VEPH1: variants seen among roughly 807,000 people sequenced by gnomAD.
The protein encoded by VEPH1 is ventricular zone expressed PH domain containing 1, also known as ventricular zone-expressed PH domain-containing protein homolog 1.
In VEPH1, 80 loss-of-function variants were observed where a neutral mutation model predicts 85.2. The ratio of observed to expected loss-of-function variants is 0.94; its 90% CI spans 0.78 to 1.13. The LOEUF is 1.13. Among genes scored for constraint, VEPH1 ranks in the 50% most tolerant of loss-of-function variants. The pLI is 0.00. For missense variants in VEPH1, 955 were observed against 980.5 expected, an observed-to-expected ratio of 0.97 and a Z score of 0.35; for synonymous variants, 297 against 348.0, an observed-to-expected ratio of 0.85 and a Z score of 1.63.
At chr3:157,296,381 G>A (rs1035353878) in intron 11 of VEPH1, among the ~76,000 whole-genome samples, 1 of 152,188 alleles carries the variant, frequency 6.6e-6, no homozygotes, top group Non-Finnish European at 1.5e-5. Flanking sequence ...ACTAGCAAGG[G>A]TCAGACTCTG....
intron 2 of VEPH1, among the ~76,000 whole-genome samples, chr3:157,472,564 T>C (rs1737065221): frequency 6.6e-6 from 1 of 152,166 alleles, no homozygotes; most frequent in Non-Finnish European, 1.5e-5. Context: ...GCAAGTTTGT[T>C]ATTTAGGTAA....
intron 12 of VEPH1, chr3:157,286,339 T>C (rs1716764006): frequency 1.8e-6 from 1 of 561,736 alleles, no homozygotes; most frequent in Non-Finnish European, 3.2e-6. Context: ...TAACCACATA[T>C]AGGTAAGGGA....
intron 9 of VEPH1, among the ~76,000 whole-genome samples, chr3:157,351,476 G>A (rs920700969): frequency 6.7e-6 from 1 of 148,902 alleles, no homozygotes; most frequent in Non-Finnish European, 1.5e-5. Context: ...TTACAGGCGT[G>A]AGCCACCGCA....
chr3:157,361,191 ACT>A lies in VEPH1; in HGVS notation c.1735+2171_1735+2172del, dbSNP rs1027222365. Among the ~76,000 whole-genome samples, 12 of 152,330 alleles carry A rather than the reference ACT, an allele frequency of 7.9e-5. 1 individual carries two copies. The highest frequency in any genetic ancestry group is 5.9e-4 in the Admixed American group (9 of 15,300). ...TTTAGCTATTTCCAAGCCCTGGTAT[ACT>A]TATCTAATACTTATATTTGAATATA... is the stretch of plus-strand genomic sequence containing the variant. On this transcript the variant is annotated intron_variant, in intron 9 of 13. Coordinates refer to ENST00000362010, the MANE Select transcript of VEPH1 (RefSeq NM_001167912.2).
chr3:157,363,512 G>A lies in VEPH1; in HGVS notation c.1587C>T (p.Ser529=), dbSNP rs773508715. ...ENLSETVKEN[S]QEETPETTAS... is the part of the protein sequence containing the mutation. ...CAGTTGTCTCTGGAGTTTCTTCCTG[G>A]GAGTTTTCTTTAACAGTTTCTGACA... Residue 529 remains serine, a synonymous_variant, in exon 9 of 14, where the codon TCC becomes TCT. Transcript: ENST00000362010. The A allele has an allele frequency of 1.2e-6, 2 of 1,613,976 alleles. No individual in the cohort carries two copies. Among genetic ancestry groups the A allele is most frequent in the Non-Finnish European group, 1.7e-6 (2 of 1,179,984 alleles).
At chr3:157,272,095 T>G (rs2108287715) in intron 12 of VEPH1, among the ~76,000 whole-genome samples, 1 of 151,892 alleles carries the variant, frequency 6.6e-6, no homozygotes, top group African/African-American at 2.4e-5. Flanking sequence ...AGGAGCCAAA[T>G]CAGGACTGTA....
intron 5 of VEPH1, among the ~76,000 whole-genome samples, chr3:157,426,092 C>T (rs1248983827): frequency 4.6e-5 from 7 of 152,176 alleles, no homozygotes; most frequent in Non-Finnish European, 7.3e-5. Flanking sequence ...GAGGCCTCCC[C>T]AGCCATGTGG....
rs537244059 is a variant in VEPH1, at chr3:157,285,997, T to A, written c.2128+560A>T. On this transcript the variant is annotated intron_variant, in intron 12 of 13. Transcript: ENST00000362010. ...GATATGTTTAGCACAGGGCATGACTTGTATTTGCTAACAATTATTTTTAGG... is the reference window on the plus strand; with the variant it reads ...GATATGTTTAGCACAGGGCATGACTAGTATTTGCTAACAATTATTTTTAGG... 4.6e-5 allele frequency among the ~76,000 whole-genome samples: 7 copies of A among 152,342 alleles called. No individual in the cohort carries two copies. In the South Asian group the frequency reaches 1.5e-3, roughly 32 times the overall value.
At position 157,495,226 on chromosome 3, in the gene VEPH1, T is replaced by A. The variant is rs1311991642; in HGVS notation, c.124A>T (p.Ile42Phe). 1.9e-6 allele frequency: 3 copies of A among 1,613,810 alleles called. No homozygotes were observed. The African/African-American group carries it at 4.0e-5, about 22-fold the overall frequency. The change falls in exon 2 of 14, where the codon ATT (isoleucine) becomes TTT (phenylalanine). Residue 42 changes from isoleucine to phenylalanine, a missense_variant. Physicochemically the swap from Ile to Phe is conservative, Grantham distance 21. Transcript: ENST00000362010. ...AGTTTACTTACTGAAGATGAGCTAA[T>A]TATCTTAATTTGCTCCAAAGCTTCT... ...LTEALEQIKI[I>F]SSSSDYQTNN... is the part of the protein sequence containing the mutation.
intron 2 of VEPH1, among the ~76,000 whole-genome samples, chr3:157,477,010 G>A (rs568047315): frequency 2.6e-5 from 4 of 152,170 alleles, no homozygotes; most frequent in Non-Finnish European, 5.9e-5. Context: ...AGAAGAGGTT[G>A]TAAAGGAGGG....
At chr3:157,334,297 C>T (rs113639789) in intron 9 of VEPH1, among the ~76,000 whole-genome samples, 19 of 152,196 alleles carry the variant, frequency 1.2e-4, no homozygotes, top group African/African-American at 3.4e-4. Context: ...AGCCAATTCT[C>T]GGGATATACC....
intron 3 of VEPH1, 110 bp from the exon 4 acceptor site, chr3:157,460,465 T>C (rs1735765160): frequency 9.0e-6 from 12 of 1,338,982 alleles, no homozygotes; most frequent in Non-Finnish European, 1.1e-5. Context: ...AGTACAGCTG[T>C]GAAAACACAG....
intron 6 of VEPH1, among the ~76,000 whole-genome samples, chr3:157,408,002 A>C (rs115270707): frequency 0.023 from 3,548 of 152,218 alleles, 160 homozygotes; most frequent in African/African-American, 0.081. Flanking sequence ...ACACCCTCTT[A>C]GTCACCGTGT....
At chr3:157,325,800 G>C (rs1239835891) in intron 9 of VEPH1, among the ~76,000 whole-genome samples, 1 of 152,166 alleles carries the variant, frequency 6.6e-6, no homozygotes, top group African/African-American at 2.4e-5. Flanking sequence ...ACTTAGAATT[G>C]TCTTGGCTAT....
chr3:157,496,735 A>G (rs897848291), intron 1 of VEPH1, among the ~76,000 whole-genome samples: 2 of 152,236 alleles, frequency 1.3e-5, no homozygotes, highest in African/African-American at 4.8e-5. Context: ...TTAAAGACAC[A>G]TACTCTTCAA....
intron 6 of VEPH1, among the ~76,000 whole-genome samples, chr3:157,387,726 C>T (rs1016801018): frequency 1.3e-5 from 2 of 152,190 alleles, no homozygotes; most frequent in Non-Finnish European, 2.9e-5. Flanking sequence ...ACTGGCTGCA[C>T]ATTAGAATCC....
chr3:157,314,330 CAAAAAAAAAAAA>C (rs34703314), intron 10 of VEPH1, among the ~76,000 whole-genome samples: 37 of 43,202 alleles, frequency 8.6e-4, no homozygotes, highest in East Asian at 3.2e-3. Flanking sequence ...GAGGATCCGT[CAAAAAAAAAAAA>C]AAAAAAAAAA....
chr3:157,326,257 T>A (rs1368205475), intron 9 of VEPH1, among the ~76,000 whole-genome samples: 1 of 152,182 alleles, frequency 6.6e-6, no homozygotes, highest in Non-Finnish European at 1.5e-5. Context: ...CATTTATGAT[T>A]TTAAATATGT....
intron 4 of VEPH1, among the ~76,000 whole-genome samples, chr3:157,433,461 A>G (rs1337369891): frequency 6.6e-6 from 1 of 152,138 alleles, no homozygotes; most frequent in African/African-American, 2.4e-5. Context: ...CTTCTCATCT[A>G]TTGATATGAT....
Sources: gnomAD v4.1 joint callset for allele counts (sites outside exome capture counted in the v4.1 genomes callset) on GRCh38, gnomAD v4.1.1 for gene constraint, MANE v1.5 for transcripts, NCBI Gene and HGNC (gene_info 2026-07-23, HGNC 2026-07-21) for gene names.